Variants in PALMD observed in about 807,000 individuals in gnomAD.
PALMD encodes palmdelphin, also known as paralemmin-like protein.
PALMD carries 42 observed loss-of-function variants against 56.2 expected under a neutral mutation model. The observed-to-expected ratio is 0.75, with a 90% CI of 0.58 to 0.97. PALMD has a LOEUF of 0.97. Among genes scored for constraint, PALMD ranks in the 50% least tolerant of loss-of-function variants. The pLI is 0.00. For missense variants in PALMD, 660 were observed against 643.8 expected (o/e 1.03, Z -0.27); for synonymous variants, 242 against 222.9 (o/e 1.09, Z -0.76).
At chr1:99,686,875 T>C in intron 4 of PALMD, 55 bp from the exon 5 acceptor site, 1 of 1,397,242 alleles carries the variant, frequency 7.2e-7, no homozygotes, top group Admixed American at 1.9e-5. Flanking sequence ...CATATCCACA[T>C]TTAGATTCTA....
rs566264868 is a variant in PALMD at position 99,646,637 on chromosome 1, T to C, written c.45+275T>C. On this transcript the variant is annotated intron_variant, in intron 1 of 7. Coordinates refer to ENST00000263174, the MANE Select transcript of PALMD (RefSeq NM_017734.5). ...GTTAAGGCAGTCTGATTAACTATCT[T>C]TCACACTCTGTGGTGTACCTTAGAA... Among the ~76,000 whole-genome samples, 7 of 152,356 alleles carry C rather than the reference T, an allele frequency of 4.6e-5. No homozygotes were observed. In the East Asian group the frequency reaches 1.3e-3, roughly 29 times the overall value.
Position 99,646,181 on chromosome 1 carries a change from T to C in PALMD, c.-137T>C, listed in dbSNP as rs949494453. 7.1e-6 allele frequency: 5 copies of C among 707,148 alleles called. No individual in the cohort carries two copies. The African/African-American group carries it at 7.1e-5, about 10-fold the overall frequency. 43.8% of individuals were successfully genotyped at this position (707,148 alleles called of 1,614,324 possible). ...ACGCTCCTGACAAGTCGGGAATTTC[T>C]CTATTTCTCCACTGGTGCAAAGAGC... is the stretch of plus-strand genomic sequence containing the variant. On this transcript the variant is annotated 5_prime_UTR_variant, in exon 1 of 8. Coordinates refer to ENST00000263174, the MANE Select transcript of PALMD (RefSeq NM_017734.5).
intron 1 of PALMD, among the ~76,000 whole-genome samples, chr1:99,653,292 C>T (rs991140898): frequency 6.6e-5 from 10 of 152,074 alleles, no homozygotes; most frequent in Admixed American, 2.6e-4. Context: ...ACTGAAGACC[C>T]GGCCAAATTT....
chr1:99,674,175 G>A (rs74965352), intron 3 of PALMD, among the ~76,000 whole-genome samples: 36 of 151,768 alleles, frequency 2.4e-4, no homozygotes, highest in African/African-American at 8.7e-4. Context: ...TCCTTATCCC[G>A]ACCTTTCAGC....
intron 1 of PALMD, among the ~76,000 whole-genome samples, chr1:99,657,071 T>G (rs895931421): frequency 1.3e-5 from 2 of 152,154 alleles, no homozygotes; most frequent in African/African-American, 4.8e-5. Flanking sequence ...ACCCATTAAA[T>G]GTAGGTGCTT....
chr1:99,646,399 T>C, intron 1 of PALMD, 37 bp downstream of exon 1: 1 of 1,557,768 alleles, frequency 6.4e-7, no homozygotes, highest in African/African-American at 1.4e-5. Flanking sequence ...TTAACGTTGT[T>C]ACTTAGAGGA....
rs1220886714 is a variant in PALMD at position 99,686,754 on chromosome 1, A to T, written c.330A>T (p.Leu110=). Residue 110 remains leucine (L), a synonymous_variant, in exon 4 of 8, where the codon CTA becomes CTT. Transcript: ENST00000263174. Reference sequence around the variant, plus strand: ...AGGAAGAGGCCATTTTAAAGAAACTAAAGTCAATTGAGCGGACAACAGAAG... The same window carrying T: ...AGGAAGAGGCCATTTTAAAGAAACTTAAGTCAATTGAGCGGACAACAGAAG... The part of the protein sequence containing the change: ...STKEEAILKK[L]KSIERTTEDI... 1 of 1,604,730 alleles carries T rather than the reference A, an allele frequency of 6.2e-7. No individual in the cohort carries two copies. The highest frequency in any genetic ancestry group is 8.5e-7 in the Non-Finnish European group (1 of 1,172,458).
chr1:99,689,533 G>A lies in PALMD; in HGVS notation c.1273G>A (p.Asp425Asn). 3.7e-6 allele frequency: 6 copies of A among 1,613,790 alleles called. No homozygotes were observed. In the South Asian group the frequency reaches 6.6e-5, roughly 18 times the overall value. ...TTTCATGGGGTATCAGCAGGCAGAA[G>A]ACAGTGAAGAAGATAAGAAGTTTCT... ...MIFMGYQQAE[D>N]SEEDKKFLTG... The change falls in exon 7 of 8, where the codon GAC becomes AAC. Residue 425 changes from aspartate (D) to asparagine (N), a missense_variant. By Grantham distance (23) the Asp-to-Asn change is conservative. Transcript: ENST00000263174.
At chr1:99,682,918 A>C (rs1326414436) in intron 3 of PALMD, among the ~76,000 whole-genome samples, 2 of 151,656 alleles carry the variant, frequency 1.3e-5, no homozygotes, top group Non-Finnish European at 2.9e-5. Context: ...AGTCAGGAGA[A>C]TCGCTCGAAC....
At chr1:99,690,250 A>G (rs1301971914) in intron 7 of PALMD, among the ~76,000 whole-genome samples, 2 of 152,152 alleles carry the variant, frequency 1.3e-5, no homozygotes, top group Non-Finnish European at 2.9e-5. Flanking sequence ...CTGTGATTTA[A>G]ACTTCTTATA....
intron 3 of PALMD, among the ~76,000 whole-genome samples, chr1:99,681,172 A>C (rs1653337216): frequency 6.6e-6 from 1 of 150,950 alleles, no homozygotes; most frequent in South Asian, 2.1e-4. Context: ...CCGGACTTTA[A>C]TCCTTGTTAG....
At chr1:99,650,969 G>T (rs138677257) in intron 1 of PALMD, among the ~76,000 whole-genome samples, 26 of 152,280 alleles carry the variant, frequency 1.7e-4, no homozygotes, top group South Asian at 1.5e-3. Flanking sequence ...AGTACTAGTG[G>T]CCAAAGAATG....
At chr1:99,652,032 T>C (rs1280696557) in intron 1 of PALMD, among the ~76,000 whole-genome samples, 1 of 152,226 alleles carries the variant, frequency 6.6e-6, no homozygotes, top group Non-Finnish European at 1.5e-5. Context: ...TTTCTAACAA[T>C]AATAACAGTG....
At chr1:99,667,584 G>C in intron 2 of PALMD, 58 bp from the exon 3 acceptor site, 6 of 1,442,846 alleles carry the variant, frequency 4.2e-6, no homozygotes, top group Non-Finnish European at 5.8e-6. Flanking sequence ...AAAGCAGTAA[G>C]AGATTTTGGA....
At chr1:99,667,366 C>T (rs1010842760) in intron 2 of PALMD, among the ~76,000 whole-genome samples, 1 of 152,050 alleles carries the variant, frequency 6.6e-6, no homozygotes, top group South Asian at 2.1e-4. Context: ...GATGGGGCTG[C>T]CAGGAGTATG....
Position 99,662,361 on chromosome 1 carries a change from A to C in PALMD, c.88A>C (p.Lys30Gln), listed in dbSNP as rs1169101742. 6.3e-7 allele frequency: 1 copy of C among 1,576,648 alleles called. No individual in the cohort carries two copies. Reference sequence around the variant, plus strand: ...GGAAGAAATCTCACAGAAGCGTCTGAAAATAGAGGAAGACAAACTAAAGCA... The same window carrying C: ...GGAAGAAATCTCACAGAAGCGTCTGCAAATAGAGGAAGACAAACTAAAGCA... ...IQEEISQKRL[K>Q]IEEDKLKHQH... Residue 30 changes from lysine (K) to glutamine (Q), a missense_variant, in exon 2 of 8, where the codon AAA (lysine) becomes CAA (glutamine). Coordinates refer to ENST00000263174, the MANE Select transcript of PALMD (RefSeq NM_017734.5).
Position 99,689,838 on chromosome 1 carries a change from A to C in PALMD, c.1578A>C (p.Thr526=). ...ACCATTCCCCATTTGATGCTCAGAC[A>C]ACTGGAGATGGGACTGAGGATCCAT... ...PVHHSPFDAQ[T]TGDGTEDPSL... Residue 526 remains threonine, a synonymous_variant, in exon 7 of 8, where the codon ACA becomes ACC. Coordinates refer to ENST00000263174, the MANE Select transcript of PALMD (RefSeq NM_017734.5). 1 of 1,611,896 alleles carries C rather than the reference A, an allele frequency of 6.2e-7. No individual in the cohort carries two copies. The highest frequency in any genetic ancestry group is 8.5e-7 in the Non-Finnish European group (1 of 1,179,546).
At chr1:99,692,078 A>G (rs770679364) in intron 7 of PALMD, among the ~76,000 whole-genome samples, 4 of 152,298 alleles carry the variant, frequency 2.6e-5, no homozygotes, top group African/African-American at 4.8e-5. Context: ...ATAAAGCTCA[A>G]TGCCAGACAC....
In PALMD at chr1:99,689,376, A is replaced by G. The variant is rs763580347; in HGVS notation, c.1116A>G (p.Arg372=). The stretch of plus-strand genomic sequence containing the variant: ...CTCCAAAGCCAAGGCTGAGCCCCAG[A>G]GAGACAATATTTGGGAAATCTGAAC... ...APSPKPRLSP[R]ETIFGKSEHQ... Residue 372 remains arginine (R), a synonymous_variant, in exon 7 of 8, where the codon AGA becomes AGG. Coordinates refer to ENST00000263174, the MANE Select transcript of PALMD (RefSeq NM_017734.5). 3.7e-6 allele frequency: 6 copies of G among 1,613,794 alleles called. No individual in the cohort carries two copies. In the South Asian group the frequency reaches 6.6e-5, roughly 18 times the overall value.
Sources: gnomAD v4.1 joint callset for allele counts (sites outside exome capture counted in the v4.1 genomes callset) on GRCh38, gnomAD v4.1.1 for gene constraint, MANE v1.5 for transcripts, NCBI Gene and HGNC (gene_info 2026-07-23, HGNC 2026-07-21) for gene names.